The following SNTG2 variants were observed in gnomAD, a reference collection of about 807,000 sequenced individuals.
SNTG2 encodes syntrophin gamma 2.
In SNTG2, 74 loss-of-function variants were observed where a neutral mutation model predicts 70.9. That is an observed-to-expected ratio of 1.04 (90% confidence interval 0.86 to 1.27). The LOEUF (loss-of-function observed/expected upper bound fraction) is 1.27, where lower values mean the gene tolerates loss of function less well. Ranked by LOEUF, SNTG2 falls within the 50% of genes most tolerant of loss-of-function variation. The pLI is 0.00. For missense variants in SNTG2, 717 were observed against 690.7 expected (o/e 1.04, Z -0.43); for synonymous variants, 278 against 273.8 (o/e 1.02, Z -0.15).
chr2:1,074,767 T>C (rs1464308520), intron 1 of SNTG2, among the ~76,000 whole-genome samples: 41 of 152,288 alleles, frequency 2.7e-4, no homozygotes, highest in Non-Finnish European at 4.4e-5. Context: ...AATTATCAAA[T>C]GTTGAATTAG....
chr2:975,402 C>T (rs1660877955), intron 1 of SNTG2, among the ~76,000 whole-genome samples: 1 of 152,230 alleles, frequency 6.6e-6, no homozygotes, highest in East Asian at 1.9e-4. Context: ...CACTTGTGAG[C>T]AAACCACACC....
chr2:1,328,488 T>C (rs1325084187), intron 16 of SNTG2, among the ~76,000 whole-genome samples: 1 of 152,206 alleles, frequency 6.6e-6, no homozygotes, highest in Non-Finnish European at 1.5e-5. Flanking sequence ...GCACCAATTC[T>C]GGTTTCCTCA....
intron 1 of SNTG2, among the ~76,000 whole-genome samples, chr2:990,192 A>G (rs1382020651): frequency 6.6e-6 from 1 of 152,224 alleles, no homozygotes; most frequent in Non-Finnish European, 1.5e-5. Flanking sequence ...GAGGGGCTGG[A>G]CGTCCATGGC....
chr2:1,203,660 AAAC>A (rs1220224235), intron 8 of SNTG2, among the ~76,000 whole-genome samples: 4 of 73,484 alleles, frequency 5.4e-5, no homozygotes, highest in African/African-American at 1.9e-4. Flanking sequence ...TCTCAAAAAC[AAAC>A]AAAAAAAAAA....
chr2:958,637 G>A (rs2147943309), intron 1 of SNTG2, among the ~76,000 whole-genome samples: 1 of 152,052 alleles, frequency 6.6e-6, no homozygotes. Context: ...GAATTTGAAA[G>A]GTATTGAGAA....
intron 6 of SNTG2, among the ~76,000 whole-genome samples, chr2:1,156,297 G>A (rs1669893669): frequency 6.6e-6 from 1 of 152,186 alleles, no homozygotes; most frequent in Non-Finnish European, 1.5e-5. Context: ...ATCGAGGGCA[G>A]CTCTTTTGTT....
At chr2:1,040,875 G>T (rs1661398205) in intron 1 of SNTG2, among the ~76,000 whole-genome samples, 1 of 152,314 alleles carries the variant, frequency 6.6e-6, no homozygotes, top group East Asian at 1.9e-4. Flanking sequence ...GAGCCCGGCT[G>T]TGCCATCAGA....
chr2:1,126,488 T>C (rs1667705297), intron 4 of SNTG2, among the ~76,000 whole-genome samples: 1 of 152,256 alleles, frequency 6.6e-6, no homozygotes, highest in Non-Finnish European at 1.5e-5. Context: ...TTCTTCCCTT[T>C]GGATAAAAGT....
intron 7 of SNTG2, among the ~76,000 whole-genome samples, chr2:1,168,830 G>C (rs994696460): frequency 6.6e-6 from 1 of 152,202 alleles, no homozygotes; most frequent in African/African-American, 2.4e-5. Flanking sequence ...AAAAGAGTAA[G>C]GGGTGCTGAG....
At chr2:1,208,072 C>T (rs1280329796) in intron 8 of SNTG2, among the ~76,000 whole-genome samples, 1 of 152,210 alleles carries the variant, frequency 6.6e-6, no homozygotes, top group Admixed American at 6.5e-5. Context: ...AGTCTTCTTG[C>T]AGACAGATGC....
At chr2:1,058,087 A>G (rs1189883573) in intron 1 of SNTG2, among the ~76,000 whole-genome samples, 1 of 152,114 alleles carries the variant, frequency 6.6e-6, no homozygotes, top group Non-Finnish European at 1.5e-5. Context: ...AATAACTTAT[A>G]TTTGTATCTG....
chr2:1,316,276 G>A lies in SNTG2; in HGVS notation c.1389G>A (p.Trp463Ter). 6.5e-7 allele frequency: 1 copy of A among 1,530,146 alleles called. No individual in the cohort carries two copies. Among genetic ancestry groups the A allele is most frequent in the East Asian group, 2.5e-5 (1 of 40,772 alleles). 94.8% of individuals were successfully genotyped at this position (1,530,146 alleles called of 1,614,324 possible). A position where few individuals can be genotyped will look rare whatever the true frequency, so the allele number is the denominator to read the frequency against. Residue 463 changes from tryptophan to a stop codon, truncating the protein, a stop_gained, in exon 16 of 17, where the codon TGG (tryptophan) becomes TGA (stop). Coordinates refer to ENST00000308624, the MANE Select transcript of SNTG2 (RefSeq NM_018968.4). LOFTEE classifies it high-confidence loss of function. The stretch of plus-strand genomic sequence containing the variant: ...TTATTCCTTTACAGAATGTGCTCTG[G>A]AGATTTAAATTTTCCCAGCTTAAGG... ...CFESKTKNVL[W>*]RFKFSQLKGS...
intron 1 of SNTG2, among the ~76,000 whole-genome samples, chr2:1,006,523 G>T (rs1428734557): frequency 2.0e-5 from 3 of 151,974 alleles, no homozygotes; most frequent in African/African-American, 7.2e-5. Flanking sequence ...ATTTACCGTT[G>T]TCTACTTTTA....
intron 1 of SNTG2, among the ~76,000 whole-genome samples, chr2:999,756 A>G (rs930600108): frequency 1.3e-5 from 2 of 152,040 alleles, no homozygotes; most frequent in African/African-American, 4.8e-5. Flanking sequence ...AAATTAGCGG[A>G]CTAAAATTTG....
At chr2:1,251,121 C>A (rs10172258) in intron 12 of SNTG2, among the ~76,000 whole-genome samples, 1 of 152,016 alleles carries the variant, frequency 6.6e-6, no homozygotes, top group Admixed American at 6.6e-5. Context: ...GAGAGTAATT[C>A]TCAAGATTTC....
At chr2:1,272,741 AC>A in intron 14 of SNTG2, among the ~76,000 whole-genome samples, 1 of 142,492 alleles carries the variant, frequency 7.0e-6, no homozygotes, top group East Asian at 2.3e-4. Context: ...TGCAGAAAGG[AC>A]ACCCCAGGGA....
At chr2:1,264,006 G>T (rs1009593785) in intron 13 of SNTG2, among the ~76,000 whole-genome samples, 2 of 152,122 alleles carry the variant, frequency 1.3e-5, no homozygotes, top group Non-Finnish European at 1.5e-5. Context: ...TGAACTGCGT[G>T]GGCTCATTTG....
At chr2:1,155,683 C>G (rs193280735) in intron 6 of SNTG2, among the ~76,000 whole-genome samples, 32 of 152,316 alleles carry the variant, frequency 2.1e-4, no homozygotes, top group Non-Finnish European at 4.1e-4. Context: ...CTTGGGGGAC[C>G]TGCTGCTGGG....
intron 11 of SNTG2, among the ~76,000 whole-genome samples, chr2:1,243,161 G>A (rs1385864069): frequency 2.6e-5 from 4 of 152,198 alleles, no homozygotes; most frequent in South Asian, 2.1e-4. Context: ...ATTACTGGCG[G>A]TCTATTATTG....
Sources: allele counts gnomAD v4.1 joint callset (sites outside exome capture counted in the v4.1 genomes callset), GRCh38; gene constraint gnomAD v4.1.1; transcripts MANE v1.5; gene names NCBI Gene and HGNC (gene_info 2026-07-23, HGNC 2026-07-21).